The following KCTD1 variants were observed in gnomAD, a reference collection of about 807,000 sequenced individuals.
KCTD1 encodes BTB/POZ domain-containing protein KCTD1.
A neutral mutation model predicts 66.0 loss-of-function variants in KCTD1; 24 were observed. The ratio of observed to expected loss-of-function variants is 0.36; its 90% CI spans 0.26 to 0.51. The LOEUF (loss-of-function observed/expected upper bound fraction) is 0.51. Among genes scored for constraint, KCTD1 ranks in the 20% least tolerant of loss-of-function variants. KCTD1 has a pLI of 0.95. For synonymous variants in KCTD1, 511 were observed against 517.2 expected (o/e 0.99, Z 0.16); for missense variants, 943 against 1,205.2 (o/e 0.78, Z 3.22).
At chr18:26,512,287 G>C (rs1369680519) in intron 1 of KCTD1, among the ~76,000 whole-genome samples, 1 of 151,780 alleles carries the variant, frequency 6.6e-6, no homozygotes, top group Non-Finnish European at 1.5e-5. Context: ...TATTTTAGTA[G>C]ACACAGGGTT....
chr18:26,503,164 G>C (rs941451620), intron 1 of KCTD1, among the ~76,000 whole-genome samples: 4 of 152,072 alleles, frequency 2.6e-5, no homozygotes, highest in Admixed American at 2.6e-4. Flanking sequence ...TTCTTAAATC[G>C]GCTGGTCGGC....
At chr18:26,480,648 A>C (rs1384824409) in intron 2 of KCTD1, among the ~76,000 whole-genome samples, 1 of 152,112 alleles carries the variant, frequency 6.6e-6, no homozygotes. Flanking sequence ...CGCACCTGTA[A>C]TCCCAGCAAC....
At position 26,492,653 on chromosome 18, in the gene KCTD1, A is replaced by G. The variant is rs569751170; in HGVS notation, c.1988+8419T>C. ...TAAATAAATAAATAAATAAATAAAT[A>G]GAACCATTGTTATCAAAGAGGAGGA... On this transcript the variant is annotated intron_variant, in intron 2 of 4. Transcript: ENST00000580059. Among the ~76,000 whole-genome samples the G allele has an allele frequency of 4.0e-5, 6 of 148,486 alleles. No individual in the cohort carries two copies. The South Asian group carries it at 6.4e-4, about 16-fold the overall frequency.
chr18:26,617,783 T>G (rs1987286253), intron 1 of KCTD1, among the ~76,000 whole-genome samples: 1 of 144,040 alleles, frequency 6.9e-6, no homozygotes, highest in African/African-American at 2.6e-5. Flanking sequence ...GTATTTGTTT[T>G]TATCCCCAAA....
At chr18:26,514,052 T>G (rs9965531) in intron 1 of KCTD1, among the ~76,000 whole-genome samples, 5 of 151,992 alleles carry the variant, frequency 3.3e-5, no homozygotes, top group Non-Finnish European at 7.4e-5. Flanking sequence ...GTCATTTTAT[T>G]GGAGTATCAT....
chr18:26,524,277 AG>A (rs1984052980), intron 1 of KCTD1, among the ~76,000 whole-genome samples: 2 of 152,196 alleles, frequency 1.3e-5, no homozygotes, highest in East Asian at 3.9e-4. Context: ...GGCGCCAAGG[AG>A]CATGCAAGAC....
chr18:26,475,448 T>C (rs1981292914), intron 3 of KCTD1, among the ~76,000 whole-genome samples: 1 of 152,152 alleles, frequency 6.6e-6, no homozygotes, highest in Non-Finnish European at 1.5e-5. Flanking sequence ...TCTGCAGTTT[T>C]CTTAATCAGC....
Position 26,515,025 on chromosome 18 carries a change from C to T in KCTD1, c.1810-13775G>A, listed in dbSNP as rs900674592. Reference sequence around the variant, plus strand: ...CAGTATTTTACTGCATTGAGCTATTCTTTATAATTTTCACACTGTAAAGGA... The same window carrying T: ...CAGTATTTTACTGCATTGAGCTATTTTTTATAATTTTCACACTGTAAAGGA... On this transcript the variant is annotated intron_variant, in intron 1 of 4. Coordinates refer to ENST00000580059, the MANE Select transcript of KCTD1 (RefSeq NM_001142730.3). 9.9e-5 allele frequency among the ~76,000 whole-genome samples: 15 copies of T among 152,156 alleles called. 1 individual carries two copies. Among genetic ancestry groups the T allele is most frequent in the Non-Finnish European group, 4.4e-5 (3 of 68,026 alleles).
At chr18:26,524,846 TA>T (rs894603814) in intron 1 of KCTD1, among the ~76,000 whole-genome samples, 28 of 151,662 alleles carry the variant, frequency 1.8e-4, no homozygotes, top group African/African-American at 2.9e-4. Context: ...TTTTTTAATT[TA>T]AAAAAAAATC....
chr18:26,516,940 CAT>C (rs1983681371), intron 1 of KCTD1, among the ~76,000 whole-genome samples: 1 of 152,188 alleles, frequency 6.6e-6, no homozygotes, highest in Non-Finnish European at 1.5e-5. Flanking sequence ...AATAGGCACA[CAT>C]GTCAAGTAAA....
At chr18:26,488,073 A>G (rs1460712230) in intron 2 of KCTD1, among the ~76,000 whole-genome samples, 1 of 152,240 alleles carries the variant, frequency 6.6e-6, no homozygotes, top group Non-Finnish European at 1.5e-5. Flanking sequence ...AGAATTATCA[A>G]TGGGTTCCTC....
intron 1 of KCTD1, among the ~76,000 whole-genome samples, chr18:26,656,945 G>A (rs1366544585): frequency 6.6e-6 from 1 of 150,378 alleles, no homozygotes; most frequent in Non-Finnish European, 1.5e-5. Flanking sequence ...GCGGCCGCGG[G>A]GAGGCTGGCG....
intron 1 of KCTD1, among the ~76,000 whole-genome samples, chr18:26,620,296 C>A (rs1166798217): frequency 2.2e-5 from 3 of 136,300 alleles, no homozygotes; most frequent in Non-Finnish European, 4.5e-5. Flanking sequence ...AGGGAGCTGT[C>A]CTTATGAAAT....
chr18:26,555,225 A>G (rs1482861032), intron 1 of KCTD1, among the ~76,000 whole-genome samples: 1 of 152,260 alleles, frequency 6.6e-6, no homozygotes, highest in Non-Finnish European at 1.5e-5. Context: ...CTAAGTTAGT[A>G]AAAGCAAAAC....
Position 26,547,095 on chromosome 18 carries a change from G to A in KCTD1, c.1442C>T (p.Ala481Val). The change falls in exon 1 of 5, where the codon GCC becomes GTC. Residue 481 changes from alanine to valine, a missense_variant. By Grantham distance (64) the Ala-to-Val change is moderately conservative (BLOSUM62 0). This residue lies in a region of KCTD1 where 197 missense variants were observed against 182.7 expected (regional missense o/e 1.08). Transcript: ENST00000580059. ...CCGTGCCGCCCCGTTCAGAGCCTCG[G>A]CGTAGCAGCCCTGCGGGGCGGGCGA... ...LGSPAPQGCY[A>V]EALNGAARHH... 6.5e-7 allele frequency: 1 copy of A among 1,546,650 alleles called. No individual in the cohort carries two copies. The highest frequency in any genetic ancestry group is 8.7e-7 in the Non-Finnish European group (1 of 1,146,114).
At chr18:26,584,993 C>T (rs1437168512) in intron 1 of KCTD1, among the ~76,000 whole-genome samples, 2 of 152,070 alleles carry the variant, frequency 1.3e-5, no homozygotes, top group Middle Eastern at 3.2e-3. Flanking sequence ...GCAGGCAGGT[C>T]TAGATTGCAA....
chr18:26,593,856 GAGGAGAACAAGGAGGAA>G (rs1986702853), intron 1 of KCTD1, among the ~76,000 whole-genome samples: 1 of 147,942 alleles, frequency 6.8e-6, no homozygotes. Flanking sequence ...CAAGGAGGAA[GAGGAGAACAAGGAGGAA>G]GAGGAAGATA....
chr18:26,622,697 G>A (rs1987412224), intron 1 of KCTD1, among the ~76,000 whole-genome samples: 1 of 152,132 alleles, frequency 6.6e-6, no homozygotes, highest in Non-Finnish European at 1.5e-5. Flanking sequence ...GAGGTCTCTG[G>A]GAAGATGACA....
chr18:26,617,053 G>A (rs536946078), intron 1 of KCTD1, among the ~76,000 whole-genome samples: 1 of 152,312 alleles, frequency 6.6e-6, no homozygotes, highest in Admixed American at 6.5e-5. Context: ...ACTGTTAAGT[G>A]TACTCTGCCT....
Sources: allele counts gnomAD v4.1 joint callset (sites outside exome capture counted in the v4.1 genomes callset), GRCh38; gene constraint gnomAD v4.1.1; regional missense constraint gnomAD v4.1.1; transcripts MANE v1.5; gene names NCBI Gene and HGNC (gene_info 2026-07-23, HGNC 2026-07-21).